Variants in SS18L1 observed in about 807,000 individuals in gnomAD.
The protein encoded by SS18L1 is SS18L1 subunit of BAF chromatin remodeling complex.
Under a neutral mutation model 70.3 loss-of-function variants are expected in SS18L1, and 32 were observed. The ratio of observed to expected loss-of-function variants is 0.46; its 90% CI spans 0.34 to 0.61. SS18L1 has a LOEUF of 0.61. SS18L1 is among the 20% of genes least tolerant of loss of function. SS18L1 has a pLI of 0.01. For missense variants in SS18L1, 430 were observed against 542.1 expected (o/e 0.79, Z 2.05); for synonymous variants, 237 against 229.7 (o/e 1.03, Z -0.29).
Position 62,159,845 on chromosome 20 carries a change from G to T in SS18L1, c.147-32G>T, listed in dbSNP as rs202120372. Reference sequence around the variant, plus strand: ...CACGTGGGGACTCTGTGGTCCCGTCGTCCTGCCTCATGCGTGCCCCCTCTC... The same window carrying T: ...CACGTGGGGACTCTGTGGTCCCGTCTTCCTGCCTCATGCGTGCCCCCTCTC... On this transcript the variant is annotated intron_variant, in intron 2 of 10. Coordinates refer to ENST00000331758, the MANE Select transcript of SS18L1 (RefSeq NM_198935.3). This position sits in a 1 kb window ranked among gnomAD's most constrained non-coding sequence, Gnocchi z 4.4. 1 of 1,606,180 alleles carries T rather than the reference G, an allele frequency of 6.2e-7. No individual in the cohort carries two copies. The highest frequency in any genetic ancestry group is 1.7e-5 in the Admixed American group (1 of 59,606).
At chr20:62,143,974 C>A in intron 1 of SS18L1, 85 bp downstream of exon 1, 1 of 876,148 alleles carries the variant, frequency 1.1e-6, no homozygotes, top group Non-Finnish European at 1.4e-6. Flanking sequence ...CTGGCGGGCG[C>A]GGGGCGCGAA....
chr20:62,163,080 T>A (rs2057361204), intron 5 of SS18L1, 149 bp downstream of exon 5: 2 of 1,076,550 alleles, frequency 1.9e-6, no homozygotes, highest in African/African-American at 3.2e-5. Flanking sequence ...GGCCGCTGCC[T>A]CTGAGAGCTT....
At chr20:62,167,046 T>TTTTTTTTTG (rs1568757752) in intron 8 of SS18L1, among the ~76,000 whole-genome samples, 1 of 130,550 alleles carries the variant, frequency 7.7e-6, no homozygotes. Flanking sequence ...TTGTTTGTTT[T>TTTTTTTTTG]TTTTTTTTTT....
At chr20:62,151,863 C>T (rs567470649) in intron 1 of SS18L1, among the ~76,000 whole-genome samples, 3 of 145,278 alleles carry the variant, frequency 2.1e-5, no homozygotes, top group African/African-American at 7.7e-5. Context: ...TTTTCCCGCT[C>T]CCCAGAGCTG....
chr20:62,175,176 G>A (rs951522483), intron 10 of SS18L1: 1 of 946,994 alleles, frequency 1.1e-6, no homozygotes, highest in Non-Finnish European at 1.3e-6. Context: ...GCTCAGCCTA[G>A]GGAGGGGGAA....
chr20:62,156,409 C>A (rs888231319), intron 1 of SS18L1, among the ~76,000 whole-genome samples: 4 of 152,210 alleles, frequency 2.6e-5, no homozygotes, highest in African/African-American at 9.7e-5. Context: ...CTGGCGGCCC[C>A]CCACCCCCAT....
At chr20:62,145,574 C>G (rs2057010497) in intron 1 of SS18L1, among the ~76,000 whole-genome samples, 1 of 152,212 alleles carries the variant, frequency 6.6e-6, no homozygotes, top group African/African-American at 2.4e-5. Flanking sequence ...GCACACAGTT[C>G]CATTGAAGCT....
In SS18L1 at chr20:62,158,755, G is replaced by A. The variant is rs1303211141; in HGVS notation, c.146+7G>A. On this transcript the variant is annotated splice_region_variant and intron_variant, in intron 2 of 10. Coordinates refer to ENST00000331758, the MANE Select transcript of SS18L1 (RefSeq NM_198935.3). The surrounding 1 kb of genome is among the most constrained non-coding windows in gnomAD (Gnocchi z 4.5). ...AGACGGCCGAGTGCACGCAGTGAGT[G>A]CCCGCCATACACCGGAACACTTGGA... 1.9e-6 allele frequency: 3 copies of A among 1,612,950 alleles called. No homozygotes were observed. The highest frequency in any genetic ancestry group is 2.5e-6 in the Non-Finnish European group (3 of 1,180,006).
At chr20:62,178,231 C>T (rs2057655227) in intron 10 of SS18L1, among the ~76,000 whole-genome samples, 1 of 149,922 alleles carries the variant, frequency 6.7e-6, no homozygotes, top group South Asian at 2.1e-4. Flanking sequence ...ACTGCAACCT[C>T]CACCTCTCAG....
chr20:62,157,314 C>T (rs962718902), intron 1 of SS18L1, among the ~76,000 whole-genome samples: 2 of 152,198 alleles, frequency 1.3e-5, no homozygotes, highest in African/African-American at 4.8e-5. Context: ...TTGGGGAGTG[C>T]TCCGGAGCCC....
chr20:62,147,040 C>T (rs192771196), intron 1 of SS18L1, among the ~76,000 whole-genome samples: 128 of 152,306 alleles, frequency 8.4e-4, no homozygotes, highest in African/African-American at 3.0e-3. Flanking sequence ...ACCTCCCATG[C>T]GCAGGCACCA....
intron 1 of SS18L1, among the ~76,000 whole-genome samples, chr20:62,151,923 T>G (rs557730846): frequency 3.3e-5 from 4 of 121,354 alleles, no homozygotes; most frequent in African/African-American, 1.3e-4. Flanking sequence ...GCCTCCCCCG[T>G]TCTCCTCTTT....
intron 10 of SS18L1, among the ~76,000 whole-genome samples, chr20:62,176,533 G>A (rs2057622697): frequency 6.6e-6 from 1 of 151,938 alleles, no homozygotes; most frequent in Non-Finnish European, 1.5e-5. Flanking sequence ...GAAAAAGAAA[G>A]GCCAGGCGTG....
rs906027758 is a variant in SS18L1, at chr20:62,145,539, A to G, written c.69+1650A>G. 2.6e-5 allele frequency among the ~76,000 whole-genome samples: 4 copies of G among 152,340 alleles called. No individual in the cohort carries two copies. The South Asian group carries it at 6.2e-4, about 24-fold the overall frequency. ...GTTCCTGAAGCTACCTTTGGCTGCAACGTTTATCCCATTATTTGCACTTCG... is the reference window on the plus strand; with the variant it reads ...GTTCCTGAAGCTACCTTTGGCTGCAGCGTTTATCCCATTATTTGCACTTCG... On this transcript the variant is annotated intron_variant, in intron 1 of 10. Coordinates refer to ENST00000331758, the MANE Select transcript of SS18L1 (RefSeq NM_198935.3).
At chr20:62,179,087 T>A (rs1197303402) in intron 10 of SS18L1, 95 bp from the exon 11 acceptor site, 2 of 1,378,816 alleles carry the variant, frequency 1.5e-6, no homozygotes, top group Non-Finnish European at 2.1e-6. Flanking sequence ...TTGCTTGCTG[T>A]TGTCCCTCCT....
At position 62,182,055 on chromosome 20, in the gene SS18L1, TAA is replaced by T. The variant is rs1287857816; in HGVS notation, c.*2850_*2851del. The T allele has an allele frequency of 4.4e-6, 1 of 229,608 alleles. No homozygotes were observed. Among genetic ancestry groups the T allele is most frequent in the Non-Finnish European group, 8.6e-6 (1 of 115,902 alleles). 14.2% of individuals were successfully genotyped at this position (229,608 alleles called of 1,614,324 possible). A position where few individuals can be genotyped will look rare whatever the true frequency, so the allele number is the denominator to read the frequency against. On this transcript the variant is annotated 3_prime_UTR_variant, in exon 11 of 11. Coordinates refer to ENST00000331758, the MANE Select transcript of SS18L1 (RefSeq NM_198935.3). ...GTTGAATCAACAGTACTCAGCATAT[TAA>T]AACAGTACATCAGAACTCATGCCAA... is the stretch of plus-strand genomic sequence containing the variant.
chr20:62,148,432 A>G (rs2057071617), intron 1 of SS18L1, among the ~76,000 whole-genome samples: 1 of 138,986 alleles, frequency 7.2e-6, no homozygotes, highest in Admixed American at 7.1e-5. Context: ...AGGTCAGGTG[A>G]GGGAGGCTTG....
At position 62,158,596 on chromosome 20, in the gene SS18L1, G is replaced by C; in HGVS notation, c.70-76G>C. On this transcript the variant is annotated intron_variant, in intron 1 of 10. Coordinates refer to ENST00000331758, the MANE Select transcript of SS18L1 (RefSeq NM_198935.3). The surrounding 1 kb of genome is among the most constrained non-coding windows in gnomAD (Gnocchi z 4.5). ...CGCTCAACCTATATGAAAACTAGATGTGTAGCGATGGCTGTTCATCCCGAG... is the reference window on the plus strand; with the variant it reads ...CGCTCAACCTATATGAAAACTAGATCTGTAGCGATGGCTGTTCATCCCGAG... 1 of 1,565,470 alleles carries C rather than the reference G, an allele frequency of 6.4e-7. No homozygotes were observed. The highest frequency in any genetic ancestry group is 8.6e-7 in the Non-Finnish European group (1 of 1,158,526).
At position 62,158,526 on chromosome 20, in the gene SS18L1, C is replaced by A; in HGVS notation, c.70-146C>A. On this transcript the variant is annotated intron_variant, in intron 1 of 10. Transcript: ENST00000331758. This position sits in a 1 kb window ranked among gnomAD's most constrained non-coding sequence, Gnocchi z 4.5. ...ACCGGTGGGTCTAATACAGATATCC[C>A]CAAATCTGGAAAAATCTGAAATCTG... 1 of 1,365,534 alleles carries A rather than the reference C, an allele frequency of 7.3e-7. No individual in the cohort carries two copies. The highest frequency in any genetic ancestry group is 9.9e-7 in the Non-Finnish European group (1 of 1,014,568). The allele number at this position is 1,365,534 out of a possible 1,614,324, so 84.6% of individuals were successfully genotyped here.
Sources: gnomAD v4.1 joint callset for allele counts (sites outside exome capture counted in the v4.1 genomes callset) on GRCh38, gnomAD v4.1.1 for gene constraint, Gnocchi (gnomAD v3.1) non-coding constraint, MANE v1.5 for transcripts, NCBI Gene and HGNC (gene_info 2026-07-23, HGNC 2026-07-21) for gene names.